Variants in TGM3 observed in about 807,000 individuals in gnomAD.
TGM3 encodes the protein transglutaminase 3, also known as protein-glutamine gamma-glutamyltransferase E.
In TGM3, 52 loss-of-function variants were observed where a neutral mutation model predicts 73.8. The ratio of observed to expected loss-of-function variants is 0.70; its 90% CI spans 0.56 to 0.89. The LOEUF (loss-of-function observed/expected upper bound fraction) is 0.89, where lower values mean the gene tolerates loss of function less well. TGM3 is among the 40% of genes least tolerant of loss of function. The pLI, the probability that TGM3 is intolerant of heterozygous loss-of-function variation, is 0.00. For missense variants in TGM3, 928 were observed against 909.9 expected (o/e 1.02, Z -0.26); for synonymous variants, 372 against 354.9 (o/e 1.05, Z -0.54).
chr20:2,313,727 G>A (rs756850715), intron 5 of TGM3, among the ~76,000 whole-genome samples: 5 of 152,316 alleles, frequency 3.3e-5, no homozygotes, highest in Admixed American at 2.6e-4. Context: ...CACTCATTGT[G>A]TAGAGAATAT....
intron 7 of TGM3, among the ~76,000 whole-genome samples, chr20:2,323,839 C>T (rs2084273610): frequency 6.6e-6 from 1 of 152,146 alleles, no homozygotes; most frequent in African/African-American, 2.4e-5. Flanking sequence ...AAACTATTTT[C>T]ATATGTTTGG....
chr20:2,307,337 G>T (rs373242222), intron 1 of TGM3, among the ~76,000 whole-genome samples: 1 of 151,884 alleles, frequency 6.6e-6, no homozygotes, highest in Non-Finnish European at 1.5e-5. Context: ...AAGCCCCTCC[G>T]CAGTCCTGCC....
At chr20:2,323,436 A>G (rs751045497) in intron 7 of TGM3, among the ~76,000 whole-genome samples, 4 of 152,084 alleles carry the variant, frequency 2.6e-5, no homozygotes, top group Non-Finnish European at 5.9e-5. Flanking sequence ...CTCTGCCACC[A>G]TTTATCTGCC....
chr20:2,304,132 G>A (rs1232214530), intron 1 of TGM3, among the ~76,000 whole-genome samples: 1 of 152,174 alleles, frequency 6.6e-6, no homozygotes, highest in Non-Finnish European at 1.5e-5. Context: ...GTAAACCTGA[G>A]AACCTTAGAC....
chr20:2,301,418 C>T (rs1468354302), intron 1 of TGM3, among the ~76,000 whole-genome samples: 3 of 147,148 alleles, frequency 2.0e-5, no homozygotes, highest in Admixed American at 6.9e-5. Flanking sequence ...AGGGCCTCAG[C>T]TTTCTGACCT....
At chr20:2,319,936 A>G (rs1032065733) in intron 7 of TGM3, among the ~76,000 whole-genome samples, 10 of 152,344 alleles carry the variant, frequency 6.6e-5, no homozygotes, top group African/African-American at 2.2e-4. Context: ...GCCTAGGACT[A>G]GATGATTTCT....
chr20:2,302,714 TAA>T (rs56347560), intron 1 of TGM3, among the ~76,000 whole-genome samples: 6 of 105,260 alleles, frequency 5.7e-5, no homozygotes, highest in Admixed American at 2.4e-4. Flanking sequence ...AGAGGTTTTC[TAA>T]AAAAAAAAAA....
chr20:2,311,614 G>GA (rs2084203861), intron 4 of TGM3, among the ~76,000 whole-genome samples: 2 of 152,198 alleles, frequency 1.3e-5, no homozygotes, highest in South Asian at 4.2e-4. Flanking sequence ...GGTCAGTTTA[G>GA]AAAACTTTCA....
chr20:2,309,290 C>G (rs1403579597), intron 1 of TGM3, among the ~76,000 whole-genome samples: 1 of 152,182 alleles, frequency 6.6e-6, no homozygotes, highest in Admixed American at 6.5e-5. Flanking sequence ...GGATGGAGCT[C>G]CACTGAACAT....
At chr20:2,309,937 G>C in intron 2 of TGM3, 107 bp downstream of exon 2, 1 of 1,488,246 alleles carries the variant, frequency 6.7e-7, no homozygotes, top group Non-Finnish European at 9.2e-7. Flanking sequence ...TTGGGTTCTA[G>C]CCTTGCTCTG....
At chr20:2,300,115 A>G (rs946486530) in intron 1 of TGM3, among the ~76,000 whole-genome samples, 1 of 128,844 alleles carries the variant, frequency 7.8e-6, no homozygotes, top group African/African-American at 2.6e-5. Flanking sequence ...TAAAAAAAAA[A>G]TAAAGAAAGA....
chr20:2,301,633 G>T (rs192539501), intron 1 of TGM3, among the ~76,000 whole-genome samples: 1 of 151,742 alleles, frequency 6.6e-6, no homozygotes, highest in Non-Finnish European at 1.5e-5. Context: ...TGTATGTAAA[G>T]ACTATTAGAT....
intron 1 of TGM3, among the ~76,000 whole-genome samples, chr20:2,309,164 C>T (rs1350525755): frequency 1.3e-5 from 2 of 152,240 alleles, no homozygotes; most frequent in Non-Finnish European, 2.9e-5. Context: ...CTGGCGTGAG[C>T]CACCACACCC....
chr20:2,325,378 T>C (rs2084280826), intron 7 of TGM3, among the ~76,000 whole-genome samples: 1 of 152,192 alleles, frequency 6.6e-6, no homozygotes, highest in African/African-American at 2.4e-5. Context: ...GGTGTGGCTC[T>C]TAGATAAGTC....
intron 1 of TGM3, 81 bp from the exon 2 acceptor site, chr20:2,309,576 G>T (rs1168293405): frequency 8.2e-6 from 12 of 1,457,316 alleles, no homozygotes; most frequent in Non-Finnish European, 1.1e-5. Context: ...CCCCAAAGCT[G>T]CTCTTTGGTA....
At position 2,340,477 on chromosome 20, in the gene TGM3, G is replaced by C. The variant is rs776220118; in HGVS notation, c.1978G>C (p.Asp660His). Residue 660 changes from aspartate to histidine, a missense_variant, in exon 13 of 13, where the codon GAT (aspartate) becomes CAT (histidine). Transcript: ENST00000381458. Reference sequence around the variant, plus strand: ...CAAGGAGGGGTCCCGGGTCCGTTTTGATATCCTGCCCTCCCGGAGTGGCAC... The same window carrying C: ...CAAGGAGGGGTCCCGGGTCCGTTTTCATATCCTGCCCTCCCGGAGTGGCAC... ...GPKEGSRVRF[D>H]ILPSRSGTKQ... 2 of 1,614,072 alleles carry C rather than the reference G, an allele frequency of 1.2e-6. No homozygotes were observed. The highest frequency in any genetic ancestry group is 1.7e-6 in the Non-Finnish European group (2 of 1,179,966).
intron 7 of TGM3, among the ~76,000 whole-genome samples, chr20:2,323,918 T>G (rs748302311): frequency 1.1e-4 from 17 of 152,238 alleles, no homozygotes; most frequent in Non-Finnish European, 1.9e-4. Flanking sequence ...TCTTTTTCTA[T>G]TTCTTATTTT....
At chr20:2,326,003 G>C (rs1424923955) in intron 8 of TGM3, 51 bp downstream of exon 8, 9 of 1,526,708 alleles carry the variant, frequency 5.9e-6, no homozygotes, top group Admixed American at 1.9e-5. Flanking sequence ...GTTATTTACA[G>C]CCATGGACAG....
chr20:2,326,235 T>G (rs887934800), intron 8 of TGM3, among the ~76,000 whole-genome samples: 3 of 152,218 alleles, frequency 2.0e-5, no homozygotes, highest in Non-Finnish European at 4.4e-5. Flanking sequence ...AGTAATGATT[T>G]TCCTTCACCA....
Sources: allele counts gnomAD v4.1 joint callset (sites outside exome capture counted in the v4.1 genomes callset), GRCh38; gene constraint gnomAD v4.1.1; transcripts MANE v1.5; gene names NCBI Gene and HGNC (gene_info 2026-07-23, HGNC 2026-07-21).